Variants in MTMR2 observed in about 807,000 individuals in gnomAD.
MTMR2 encodes myotubularin related protein 2.
A neutral mutation model predicts 86.9 loss-of-function variants in MTMR2; 55 were observed. The observed-to-expected ratio is 0.63, with a 90% CI of 0.51 to 0.79. MTMR2 has a LOEUF of 0.79. Among genes scored for constraint, MTMR2 ranks in the 30% least tolerant of loss-of-function variants. The pLI is 0.00. For missense variants in MTMR2, 659 were observed against 772.3 expected (o/e 0.85, Z 1.74); for synonymous variants, 241 against 266.8 (o/e 0.90, Z 0.94).
intron 3 of MTMR2, among the ~76,000 whole-genome samples, chr11:95,864,361 A>T (rs1864531043): frequency 6.6e-6 from 1 of 152,166 alleles, no homozygotes; most frequent in South Asian, 2.1e-4. Context: ...CTGAGTGGTA[A>T]CTTGAAGTTC....
At chr11:95,851,688 A>G (rs763649347) in intron 7 of MTMR2, among the ~76,000 whole-genome samples, 2 of 152,198 alleles carry the variant, frequency 1.3e-5, no homozygotes, top group African/African-American at 2.4e-5. Context: ...ATACAAATAA[A>G]TATCAGAAGT....
chr11:95,853,090 G>A (rs973320962), intron 7 of MTMR2, among the ~76,000 whole-genome samples: 4 of 148,302 alleles, frequency 2.7e-5, no homozygotes, highest in Non-Finnish European at 4.5e-5. Flanking sequence ...ATTATAGCAC[G>A]TGAAAAATAT....
At chr11:95,849,644 A>C in intron 9 of MTMR2, 30 bp downstream of exon 9, 1 of 1,604,098 alleles carries the variant, frequency 6.2e-7, no homozygotes, top group Non-Finnish European at 8.5e-7. Flanking sequence ...TCATGAAACC[A>C]TAATTATAAT....
At chr11:95,849,114 CCCT>C (rs1233244432) in intron 9 of MTMR2, among the ~76,000 whole-genome samples, 1 of 152,116 alleles carries the variant, frequency 6.6e-6, no homozygotes, top group Non-Finnish European at 1.5e-5. Context: ...CTCTCTCCTT[CCCT>C]CCTCCTATAG....
At chr11:95,873,706 C>G (rs1333449858) in intron 2 of MTMR2, among the ~76,000 whole-genome samples, 1 of 151,914 alleles carries the variant, frequency 6.6e-6, no homozygotes, top group South Asian at 2.1e-4. Flanking sequence ...AATTTTAGAT[C>G]TTTCCACTTT....
In MTMR2 at chr11:95,835,296, AAC is replaced by A. The variant is rs1863211569; in HGVS notation, c.1924_1925del (p.Val642CysfsTer16). ...PAQCVTPVQT[V>X]V Reference sequence around the variant, plus strand: ...CCCCTGATCTTACAGTCCTTTATACAACAGTTTGGACAGGAGTGACACACTGT... The same window carrying A: ...CCCCTGATCTTACAGTCCTTTATACAAGTTTGGACAGGAGTGACACACTGT... On this transcript the variant is annotated frameshift_variant, in exon 15 of 15. Transcript: ENST00000346299. LOFTEE classifies it high-confidence loss of function. The A allele has an allele frequency of 6.2e-7, 1 of 1,612,672 alleles. No individual in the cohort carries two copies. Among genetic ancestry groups the A allele is most frequent in the Non-Finnish European group, 8.5e-7 (1 of 1,179,136 alleles).
At chr11:95,917,387 T>G (rs1490333822) in intron 1 of MTMR2, among the ~76,000 whole-genome samples, 1 of 152,148 alleles carries the variant, frequency 6.6e-6, no homozygotes, top group East Asian at 1.9e-4. Flanking sequence ...TGCTTTCTGG[T>G]CATCTGTATC....
At chr11:95,923,821 G>C (rs1012756061) in intron 1 of MTMR2, 54 bp downstream of exon 1, 52 of 1,541,876 alleles carry the variant, frequency 3.4e-5, no homozygotes, top group Non-Finnish European at 2.1e-5. Flanking sequence ...GCAGGTCCCC[G>C]GCCCCTCTCC....
rs1555057316 is a variant in MTMR2 at position 95,838,148 on chromosome 11, G to GTA, written c.1537_1538dup (p.Ser514ThrfsTer32). The stretch of plus-strand genomic sequence containing the variant: ...AGAGGAATGTTCCGAATAAGCAGCT[G>GTA]TATAGGTGGTCCAAAATGGTAATGA... On this transcript the variant is annotated frameshift_variant, in exon 13 of 15. Coordinates refer to ENST00000346299, the MANE Select transcript of MTMR2 (RefSeq NM_016156.6). LOFTEE classifies it high-confidence loss of function. 6.2e-7 allele frequency: 1 copy of GTA among 1,611,742 alleles called. No homozygotes were observed. Among genetic ancestry groups the GTA allele is most frequent in the Admixed American group, 1.7e-5 (1 of 59,928 alleles).
chr11:95,841,062 A>C (rs1300553897), intron 12 of MTMR2, among the ~76,000 whole-genome samples: 1 of 152,176 alleles, frequency 6.6e-6, no homozygotes, highest in African/African-American at 2.4e-5. Flanking sequence ...CAAAAGATTA[A>C]ATTCATTTAT....
intron 1 of MTMR2, among the ~76,000 whole-genome samples, chr11:95,904,590 C>G (rs550959175): frequency 3.3e-5 from 5 of 152,168 alleles, no homozygotes; most frequent in Non-Finnish European, 7.3e-5. Flanking sequence ...AAGATAGTGA[C>G]GGAGGTGACC....
rs764511665 is a variant in MTMR2, at chr11:95,847,697, T to C, written c.1179+17A>G. 6.3e-7 allele frequency: 1 copy of C among 1,578,750 alleles called. No homozygotes were observed. The highest frequency in any genetic ancestry group is 8.7e-7 in the Non-Finnish European group (1 of 1,150,420). ...GTAGAGAGAGTCTTTGTTTGGGATA[T>C]AGTAACACACACCCACCTTAATATG... On this transcript the variant is annotated intron_variant, in intron 10 of 14. Coordinates refer to ENST00000346299, the MANE Select transcript of MTMR2 (RefSeq NM_016156.6).
chr11:95,901,211 T>C (rs1866063171), intron 1 of MTMR2, among the ~76,000 whole-genome samples: 1 of 152,176 alleles, frequency 6.6e-6, no homozygotes, highest in African/African-American at 2.4e-5. Context: ...CTATCTTTAA[T>C]CTTCTCAGTC....
intron 12 of MTMR2, chr11:95,840,080 C>A (rs1454640953): frequency 2.0e-5 from 3 of 152,104 alleles, no homozygotes; most frequent in African/African-American, 7.2e-5. Flanking sequence ...GCTTAGCTTC[C>A]AAAATCAGAT....
Position 95,862,072 on chromosome 11 carries a change from C to T in MTMR2, c.388G>A (p.Gly130Ser), listed in dbSNP as rs1590997136. The T allele has an allele frequency of 1.9e-6, 3 of 1,613,738 alleles. No homozygotes were observed. The East Asian group carries it at 6.7e-5, about 36-fold the overall frequency. Residue 130 changes from glycine to serine, a missense_variant, in exon 5 of 15, where the codon GGT becomes AGT. Physicochemically the swap from Gly to Ser is moderately conservative, Grantham distance 56. Coordinates refer to ENST00000346299, the MANE Select transcript of MTMR2 (RefSeq NM_016156.6). The stretch of plus-strand genomic sequence containing the variant: ...ATTTTTTCTACTCTATTTATCACAC[C>T]AAGGGAAGCATCTAAAACAAATGGG... ...DPPFVLDASL[G>S]VINRVEKIGG...
intron 1 of MTMR2, among the ~76,000 whole-genome samples, chr11:95,898,503 G>T (rs796603548): frequency 6.6e-6 from 1 of 151,832 alleles, no homozygotes; most frequent in Middle Eastern, 3.4e-3. Flanking sequence ...ACAGTGAGAC[G>T]CTGTCTCTAC....
At chr11:95,849,940 C>T in intron 8 of MTMR2, 78 bp from the exon 9 acceptor site, 1 of 1,338,628 alleles carries the variant, frequency 7.5e-7, no homozygotes. Context: ...CTCAGTAAAG[C>T]TCTGCTTTCT....
At chr11:95,911,549 T>A (rs910096716) in intron 1 of MTMR2, among the ~76,000 whole-genome samples, 5 of 152,192 alleles carry the variant, frequency 3.3e-5, no homozygotes, top group Non-Finnish European at 5.9e-5. Flanking sequence ...GCACCCCGTT[T>A]AAGGAGCTTC....
At chr11:95,900,997 C>G (rs1866055865) in intron 1 of MTMR2, among the ~76,000 whole-genome samples, 1 of 152,170 alleles carries the variant, frequency 6.6e-6, no homozygotes, top group Admixed American at 6.5e-5. Flanking sequence ...ATTCTTTGCT[C>G]TCTAAGCTTC....
Sources: gnomAD v4.1 joint callset for allele counts (sites outside exome capture counted in the v4.1 genomes callset) on GRCh38, gnomAD v4.1.1 for gene constraint, MANE v1.5 for transcripts, NCBI Gene and HGNC (gene_info 2026-07-23, HGNC 2026-07-21) for gene names.